The following CPED1 variants were observed in gnomAD, a reference collection of about 807,000 sequenced individuals.
CPED1 encodes the protein cadherin-like and PC-esterase domain-containing protein 1.
Under a neutral mutation model 128.2 loss-of-function variants are expected in CPED1, and 114 were observed. That is an observed-to-expected ratio of 0.89 (90% CI 0.76 to 1.04). CPED1 has a LOEUF of 1.04. Ranked by LOEUF, CPED1 falls within the 50% of genes least tolerant of loss-of-function variation. The probability of loss-of-function intolerance (pLI) is 0.00; values close to 1 mark genes in which losing one functional copy is unlikely to be tolerated. For missense variants in CPED1, 1,211 were observed against 1,207.1 expected (o/e 1.00, Z -0.05); for synonymous variants, 462 against 426.7 (o/e 1.08, Z -1.02).
At chr7:121,042,431 T>C (rs984849815) in intron 3 of CPED1, among the ~76,000 whole-genome samples, 1 of 152,210 alleles carries the variant, frequency 6.6e-6, no homozygotes, top group African/African-American at 2.4e-5. Flanking sequence ...TCTGTGTCTG[T>C]TTCCTCACTT....
At chr7:121,154,301 A>G (rs1042277717) in intron 16 of CPED1, among the ~76,000 whole-genome samples, 2 of 152,064 alleles carry the variant, frequency 1.3e-5, no homozygotes, top group Non-Finnish European at 2.9e-5. Flanking sequence ...TCTCTTGTCT[A>G]ATTGCTGAGA....
At chr7:121,018,110 T>G (rs559383519) in intron 3 of CPED1, among the ~76,000 whole-genome samples, 18 of 152,254 alleles carry the variant, frequency 1.2e-4, no homozygotes, top group Non-Finnish European at 2.1e-4. Flanking sequence ...GTTTTTACTA[T>G]GAGAACAATA....
At chr7:121,205,288 C>T (rs1327985520) in intron 16 of CPED1, among the ~76,000 whole-genome samples, 1 of 152,018 alleles carries the variant, frequency 6.6e-6, no homozygotes, top group Non-Finnish European at 1.5e-5. Flanking sequence ...GGATTTTATA[C>T]ATCCCACTCA....
At chr7:121,167,482 G>A (rs192818406) in intron 16 of CPED1, among the ~76,000 whole-genome samples, 55 of 152,262 alleles carry the variant, frequency 3.6e-4, no homozygotes, top group African/African-American at 1.3e-3. Flanking sequence ...TATAAGCATC[G>A]TATTCTAACA....
intron 22 of CPED1, among the ~76,000 whole-genome samples, chr7:121,275,737 G>A (rs1432052060): frequency 6.6e-6 from 1 of 151,884 alleles, no homozygotes; most frequent in African/African-American, 2.4e-5. Context: ...AGAAAAGAAG[G>A]GAGTTTTGGT....
intron 14 of CPED1, among the ~76,000 whole-genome samples, chr7:121,138,512 T>G (rs1413907450): frequency 6.6e-6 from 1 of 152,036 alleles, no homozygotes; most frequent in African/African-American, 2.4e-5. Flanking sequence ...ATGGAGACTT[T>G]CTGATGAAAC....
intron 18 of CPED1, among the ~76,000 whole-genome samples, chr7:121,247,635 C>T (rs1363884251): frequency 6.6e-6 from 1 of 152,142 alleles, no homozygotes; most frequent in Non-Finnish European, 1.5e-5. Flanking sequence ...TGGGACTACC[C>T]ACACTTGCTG....
At chr7:121,028,491 T>C (rs1277683294) in intron 3 of CPED1, among the ~76,000 whole-genome samples, 1 of 152,194 alleles carries the variant, frequency 6.6e-6, no homozygotes, top group Non-Finnish European at 1.5e-5. Context: ...TGCAAAGTAT[T>C]TGTACATGTT....
chr7:121,258,152 T>C (rs1791927454), intron 18 of CPED1, among the ~76,000 whole-genome samples: 1 of 152,116 alleles, frequency 6.6e-6, no homozygotes, highest in Non-Finnish European at 1.5e-5. Context: ...GCAATATCAG[T>C]TACCCTAATA....
At chr7:121,141,472 G>A (rs1317727583) in intron 15 of CPED1, among the ~76,000 whole-genome samples, 1 of 151,936 alleles carries the variant, frequency 6.6e-6, no homozygotes, top group African/African-American at 2.4e-5. Context: ...ACCTTATTCT[G>A]TGCTGTGTCC....
At chr7:121,227,359 G>C (rs1798039371) in intron 16 of CPED1, among the ~76,000 whole-genome samples, 1 of 152,044 alleles carries the variant, frequency 6.6e-6, no homozygotes, top group Non-Finnish European at 1.5e-5. Flanking sequence ...ACAAGTGCTA[G>C]AAACAGAAAG....
At chr7:121,116,678 CA>C (rs1472370135) in intron 7 of CPED1, among the ~76,000 whole-genome samples, 2 of 152,032 alleles carry the variant, frequency 1.3e-5, no homozygotes, top group African/African-American at 2.4e-5. Context: ...ATCAAAAACA[CA>C]AAGGCAGAAG....
At chr7:121,149,351 A>G (rs549918038) in intron 16 of CPED1, among the ~76,000 whole-genome samples, 2 of 152,320 alleles carry the variant, frequency 1.3e-5, no homozygotes, top group Admixed American at 6.5e-5. Context: ...TCAGAGTGGC[A>G]TGTTCTTTCA....
chr7:121,261,931 G>A, intron 18 of CPED1: 2 of 489,396 alleles, frequency 4.1e-6, no homozygotes, highest in South Asian at 4.6e-5. Context: ...GATATAGTTT[G>A]GATGTTTGTT....
intron 5 of CPED1, among the ~76,000 whole-genome samples, chr7:121,087,563 C>G (rs1317104496): frequency 6.6e-6 from 1 of 152,056 alleles, no homozygotes; most frequent in African/African-American, 2.4e-5. Context: ...ATCTCTACTA[C>G]TTACAATTCA....
At chr7:121,129,287 G>GTATATA (rs374141620) in intron 11 of CPED1, among the ~76,000 whole-genome samples, 20 of 52,014 alleles carry the variant, frequency 3.8e-4, no homozygotes, top group African/African-American at 1.1e-3. Flanking sequence ...GTGTATATAT[G>GTATATA]TATATATATA....
intron 22 of CPED1, among the ~76,000 whole-genome samples, chr7:121,285,379 T>C (rs1273553671): frequency 1.3e-5 from 2 of 152,234 alleles, no homozygotes; most frequent in African/African-American, 4.8e-5. Flanking sequence ...GTCTTGGTGA[T>C]TAACACTTGG....
At chr7:121,295,140 A>AACACACACAC (rs35927183) in intron 22 of CPED1, among the ~76,000 whole-genome samples, 7,246 of 145,796 alleles carry the variant, frequency 0.05, 206 homozygotes, top group African/African-American at 0.072. Context: ...CTGGCCTGAA[A>AACACACACAC]ACACACACAC....
At chr7:121,028,536 T>TA (rs1389913413) in intron 3 of CPED1, among the ~76,000 whole-genome samples, 11 of 152,214 alleles carry the variant, frequency 7.2e-5, no homozygotes, top group African/African-American at 2.4e-4. Flanking sequence ...GATCTCATTT[T>TA]AAAATGATAG....
Sources: gnomAD v4.1 joint callset for allele counts (sites outside exome capture counted in the v4.1 genomes callset) on GRCh38, gnomAD v4.1.1 for gene constraint, MANE v1.5 for transcripts, NCBI Gene and HGNC (gene_info 2026-07-23, HGNC 2026-07-21) for gene names.